RORA: variants seen among roughly 807,000 people sequenced by gnomAD.
RORA encodes the protein nuclear receptor ROR-alpha.
RORA carries 7 observed loss-of-function variants against 69.5 expected under a neutral mutation model. The observed-to-expected ratio is 0.10, with a 90% CI of 0.06 to 0.19. The LOEUF (loss-of-function observed/expected upper bound fraction) is 0.19. RORA is among the 10% of genes least tolerant of loss of function. RORA has a pLI of 1.00. For synonymous variants in RORA, 261 were observed against 240.8 expected (o/e 1.08, Z -0.78); for missense variants, 457 against 663.0 (o/e 0.69, Z 3.41).
At chr15:60,532,361 A>G (rs2066550324) in intron 2 of RORA, among the ~76,000 whole-genome samples, 1 of 152,220 alleles carries the variant, frequency 6.6e-6, no homozygotes, top group Non-Finnish European at 1.5e-5. Flanking sequence ...TAAAAAATTA[A>G]CGCAGTTGCC....
chr15:60,821,580 G>C (rs1419680513), intron 1 of RORA, among the ~76,000 whole-genome samples: 3 of 152,180 alleles, frequency 2.0e-5, no homozygotes, highest in African/African-American at 7.2e-5. Context: ...ATATTCTAGT[G>C]ATTTGTATCT....
At chr15:60,978,400 CT>C (rs1893938564) in intron 1 of RORA, among the ~76,000 whole-genome samples, 2 of 152,068 alleles carry the variant, frequency 1.3e-5, no homozygotes, top group Non-Finnish European at 2.9e-5. Context: ...TTCAAGAGTT[CT>C]TACATATTTT....
chr15:61,199,287 GCTT>G (rs2079874224), intron 1 of RORA, among the ~76,000 whole-genome samples: 1 of 152,050 alleles, frequency 6.6e-6, no homozygotes, highest in South Asian at 2.1e-4. Context: ...AAAAAATAAA[GCTT>G]CTTTTCCTCA....
chr15:60,738,321 T>C (rs2071529508), intron 1 of RORA, among the ~76,000 whole-genome samples: 1 of 152,228 alleles, frequency 6.6e-6, no homozygotes, highest in Non-Finnish European at 1.5e-5. Flanking sequence ...GACTGAGGAA[T>C]ATTTTACAAC....
intron 1 of RORA, among the ~76,000 whole-genome samples, chr15:60,698,555 A>T (rs1357496810): frequency 6.6e-6 from 1 of 151,908 alleles, no homozygotes; most frequent in Non-Finnish European, 1.5e-5. Flanking sequence ...CCTTTATGTC[A>T]TAATTACTTT....
intron 1 of RORA, among the ~76,000 whole-genome samples, chr15:61,201,009 AAC>A (rs1216092422): frequency 6.6e-6 from 1 of 152,262 alleles, no homozygotes; most frequent in Non-Finnish European, 1.5e-5. Flanking sequence ...TTTCCACAGC[AAC>A]AGAGTGGCAA....
intron 2 of RORA, among the ~76,000 whole-genome samples, chr15:60,655,117 G>A (rs1421172845): frequency 1.3e-5 from 2 of 152,008 alleles, no homozygotes; most frequent in Non-Finnish European, 2.9e-5. Flanking sequence ...AAAATATAAG[G>A]GAAAGATGTC....
At chr15:61,198,913 T>C (rs1381368826) in intron 1 of RORA, among the ~76,000 whole-genome samples, 1 of 152,204 alleles carries the variant, frequency 6.6e-6, no homozygotes, top group Non-Finnish European at 1.5e-5. Context: ...CCATTCTCCT[T>C]ACCCAGGCTT....
At chr15:60,780,247 T>C (rs1016205703) in intron 1 of RORA, among the ~76,000 whole-genome samples, 9 of 152,330 alleles carry the variant, frequency 5.9e-5, no homozygotes, top group African/African-American at 2.2e-4. Context: ...TGGAGACTCT[T>C]ATGTCCAATT....
At chr15:60,514,465 T>C (rs545115448) in intron 4 of RORA, 151 bp downstream of exon 4, 340 of 709,428 alleles carry the variant, frequency 4.8e-4, no homozygotes, top group Non-Finnish European at 7.4e-4. Flanking sequence ...GTGAGTTCCA[T>C]GTAGCTGCCA....
At chr15:61,132,567 G>C (rs907664605) in intron 1 of RORA, among the ~76,000 whole-genome samples, 18 of 152,116 alleles carry the variant, frequency 1.2e-4, no homozygotes, top group Non-Finnish European at 5.9e-5. Context: ...TGAAAATGTA[G>C]ATTTCAATAT....
intron 1 of RORA, among the ~76,000 whole-genome samples, chr15:60,766,081 T>C (rs986899464): frequency 2.0e-5 from 3 of 152,154 alleles, no homozygotes; most frequent in Non-Finnish European, 2.9e-5. Flanking sequence ...TAAACATCCC[T>C]CTCTGAACCA....
chr15:60,714,111 T>C (rs2071184652), intron 1 of RORA, among the ~76,000 whole-genome samples: 1 of 151,946 alleles, frequency 6.6e-6, no homozygotes, highest in African/African-American at 2.4e-5. Flanking sequence ...TGGAGTGCAA[T>C]GGCGTGGTCT....
Position 60,898,515 on chromosome 15 carries a change from A to ATAAATAAC in RORA, c.167-219830_167-219829insGTTATTTA, listed in dbSNP as rs1264733077. Among the ~76,000 whole-genome samples, 1,184 of 147,082 alleles carry ATAAATAAC rather than the reference A, an allele frequency of 8.0e-3. 13 individuals carry two copies. Among genetic ancestry groups the ATAAATAAC allele is most frequent in the Non-Finnish European group, 0.012 (828 of 66,628 alleles). The stretch of plus-strand genomic sequence containing the variant: ...ATTGTCTCTAAAAATAAATAAATAA[A>ATAAATAAC]TAAATAAATAAATAAATAAATAAAT... On this transcript the variant is annotated intron_variant, in intron 1 of 10. Transcript: ENST00000335670.
At chr15:61,004,114 G>C (rs1340719079) in intron 1 of RORA, among the ~76,000 whole-genome samples, 1 of 152,168 alleles carries the variant, frequency 6.6e-6, no homozygotes, top group African/African-American at 2.4e-5. Context: ...AGTCAGACAA[G>C]AGGAGGTTTC....
chr15:60,733,856 G>A (rs1420860264), intron 1 of RORA, among the ~76,000 whole-genome samples: 1 of 149,502 alleles, frequency 6.7e-6, no homozygotes, highest in Non-Finnish European at 1.5e-5. Context: ...GGGAAGTTGA[G>A]TTGCCCAACT....
At chr15:61,127,425 T>C (rs762898129) in intron 1 of RORA, among the ~76,000 whole-genome samples, 8 of 152,172 alleles carry the variant, frequency 5.3e-5, no homozygotes, top group Non-Finnish European at 1.0e-4. Context: ...CAAAAAAAGG[T>C]CCACATGTGA....
At chr15:60,942,912 C>A (rs1892744084) in intron 1 of RORA, among the ~76,000 whole-genome samples, 3 of 152,220 alleles carry the variant, frequency 2.0e-5, no homozygotes, top group African/African-American at 7.2e-5. Flanking sequence ...TTATCAAGCC[C>A]ACGAAGCCCT....
In RORA at chr15:60,829,259, G is replaced by A. The variant is rs115264690; in HGVS notation, c.167-150573C>T. ...CATTTATTTATACCTTAGGGCTAAT[G>A]GAATTCAGCAGGTCACTGCTGCCCG... On this transcript the variant is annotated intron_variant, in intron 1 of 10. Coordinates refer to ENST00000335670, the MANE Select transcript of RORA (RefSeq NM_134261.3). Among the ~76,000 whole-genome samples, 770 of 152,246 alleles carry A rather than the reference G, an allele frequency of 5.1e-3. 8 individuals are homozygous for A. Among genetic ancestry groups the A allele is most frequent in the African/African-American group, 0.016 (682 of 41,532 alleles).
Sources: gnomAD v4.1 joint callset for allele counts (sites outside exome capture counted in the v4.1 genomes callset) on GRCh38, gnomAD v4.1.1 for gene constraint, MANE v1.5 for transcripts, NCBI Gene and HGNC (gene_info 2026-07-23, HGNC 2026-07-21) for gene names.